NCAM2: variants seen among roughly 807,000 people sequenced by gnomAD.
The protein encoded by NCAM2 is N-CAM-2.
In NCAM2, 30 loss-of-function variants were observed where a neutral mutation model predicts 98.1. The observed-to-expected ratio is 0.31, with a 90% confidence interval of 0.23 to 0.41. The LOEUF (loss-of-function observed/expected upper bound fraction) is 0.41, where lower values mean the gene tolerates loss of function less well. Ranked by LOEUF, NCAM2 falls within the 10% of genes least tolerant of loss-of-function variation. The probability of loss-of-function intolerance (pLI) is 1.00; values close to 1 mark genes in which losing one functional copy is unlikely to be tolerated. For missense variants in NCAM2, 867 were observed against 1,005.8 expected, an observed-to-expected ratio of 0.86 and a Z score of 1.87; for synonymous variants, 368 against 342.4, an observed-to-expected ratio of 1.07 and a Z score of -0.83.
chr21:21,527,365 A>G (rs566235203), intron 16 of NCAM2, among the ~76,000 whole-genome samples: 1 of 152,138 alleles, frequency 6.6e-6, no homozygotes, highest in African/African-American at 2.4e-5. Flanking sequence ...CTGGACTAGT[A>G]TAAAATTAAA....
At chr21:21,202,497 A>C (rs1282428503) in intron 1 of NCAM2, among the ~76,000 whole-genome samples, 3 of 139,794 alleles carry the variant, frequency 2.1e-5, no homozygotes, top group Non-Finnish European at 3.0e-5. Flanking sequence ...GCTCACCGCA[A>C]CCTCCATCTC....
chr21:21,180,240 TA>T (rs1337486960), intron 1 of NCAM2, among the ~76,000 whole-genome samples: 1 of 152,134 alleles, frequency 6.6e-6, no homozygotes, highest in African/African-American at 2.4e-5. Context: ...AACAATTAAA[TA>T]AAAAAATTAA....
Position 21,272,918 on chromosome 21 carries a change from T to C in NCAM2, c.56-7660T>C, listed in dbSNP as rs78842873. Among the ~76,000 whole-genome samples the C allele has an allele frequency of 6.0e-3, 486 of 80,636 alleles. 1 individual carries two copies. The highest frequency in any genetic ancestry group is 0.024 in the African/African-American group (469 of 19,528). 52.9% of individuals were successfully genotyped at this position (80,636 alleles called of 152,430 possible). ...AATATGTTTCCAGACTCCAAAATGA[T>C]AATAGGGACATGCATTCACACACAC... is the stretch of plus-strand genomic sequence containing the variant. On this transcript the variant is annotated intron_variant, in intron 1 of 17. Coordinates refer to ENST00000400546, the MANE Select transcript of NCAM2 (RefSeq NM_004540.5).
At chr21:21,388,161 C>A (rs543540513) in intron 9 of NCAM2, among the ~76,000 whole-genome samples, 1 of 152,266 alleles carries the variant, frequency 6.6e-6, no homozygotes, top group East Asian at 1.9e-4. Flanking sequence ...ACAAGCCCGA[C>A]AACAAAGACA....
Position 21,146,546 on chromosome 21 carries a change from GATATATATATGT to G in NCAM2, c.56-134021_56-134010del, listed in dbSNP as rs930188902. Among the ~76,000 whole-genome samples the G allele has an allele frequency of 2.6e-4, 13 of 50,382 alleles. 1 individual carries two copies. Among genetic ancestry groups the G allele is most frequent in the African/African-American group, 5.6e-4 (11 of 19,488 alleles). 33.1% of individuals were successfully genotyped at this position (50,382 alleles called of 152,430 possible). Reference sequence around the variant, plus strand: ...ATGTGATTATATAAAATACTTACAGGATATATATATGTATATATATATATATATGGATTATAT... The same window carrying G: ...ATGTGATTATATAAAATACTTACAGGATATATATATATATATGGATTATAT... On this transcript the variant is annotated intron_variant, in intron 1 of 17. Coordinates refer to ENST00000400546, the MANE Select transcript of NCAM2 (RefSeq NM_004540.5).
At chr21:21,443,267 G>A (rs1427207444) in intron 12 of NCAM2, among the ~76,000 whole-genome samples, 2 of 152,016 alleles carry the variant, frequency 1.3e-5, no homozygotes, top group African/African-American at 4.8e-5. Context: ...CACACACCGG[G>A]GACTGCCGAG....
intron 8 of NCAM2, among the ~76,000 whole-genome samples, chr21:21,366,176 T>TA (rs1568984670): frequency 6.6e-6 from 1 of 152,016 alleles, no homozygotes; most frequent in African/African-American, 2.4e-5. Flanking sequence ...GAGATTTACG[T>TA]AAAAACATAC....
intron 10 of NCAM2, among the ~76,000 whole-genome samples, chr21:21,412,563 C>G (rs2076909009): frequency 6.6e-6 from 1 of 152,114 alleles, no homozygotes; most frequent in African/African-American, 2.4e-5. Flanking sequence ...TTTATACATA[C>G]AACATAGTAT....
intron 8 of NCAM2, among the ~76,000 whole-genome samples, chr21:21,346,332 G>A (rs2075187999): frequency 6.6e-6 from 1 of 151,916 alleles, no homozygotes; most frequent in African/African-American, 2.4e-5. Flanking sequence ...TCAGCAGGAG[G>A]ATATAATAAT....
intron 5 of NCAM2, among the ~76,000 whole-genome samples, chr21:21,303,082 A>G (rs1256213627): frequency 6.6e-6 from 1 of 152,068 alleles, no homozygotes; most frequent in Non-Finnish European, 1.5e-5. Context: ...GGAACCATAG[A>G]CACTGCAGAA....
intron 1 of NCAM2, among the ~76,000 whole-genome samples, chr21:21,180,059 T>C (rs2068419929): frequency 6.6e-6 from 1 of 152,188 alleles, no homozygotes; most frequent in South Asian, 2.1e-4. Flanking sequence ...GCTGGAGCTT[T>C]TGAGCAGGAC....
chr21:21,279,039 A>G (rs1175837480), intron 1 of NCAM2, among the ~76,000 whole-genome samples: 1 of 152,104 alleles, frequency 6.6e-6, no homozygotes, highest in Non-Finnish European at 1.5e-5. Flanking sequence ...CATTTATACA[A>G]CTATTGGCCA....
intron 15 of NCAM2, among the ~76,000 whole-genome samples, chr21:21,481,476 C>T (rs1985880116): frequency 6.6e-6 from 1 of 152,118 alleles, no homozygotes; most frequent in Non-Finnish European, 1.5e-5. Flanking sequence ...GCTTTGCTGA[C>T]GTCATTGAGA....
chr21:21,263,336 A>G (rs1173002648), intron 1 of NCAM2, among the ~76,000 whole-genome samples: 3 of 152,204 alleles, frequency 2.0e-5, no homozygotes, highest in African/African-American at 7.2e-5. Context: ...AAGGTGAACT[A>G]GAAAACGCTG....
At chr21:21,202,437 G>A (rs199581795) in intron 1 of NCAM2, among the ~76,000 whole-genome samples, 1 of 92,284 alleles carries the variant, frequency 1.1e-5, no homozygotes, top group East Asian at 3.1e-4. Flanking sequence ...TTTTTCTGAG[G>A]CGGAGTTTTG....
intron 15 of NCAM2, among the ~76,000 whole-genome samples, chr21:21,485,417 A>C (rs1986264878): frequency 1.3e-5 from 2 of 152,072 alleles, no homozygotes; most frequent in South Asian, 4.1e-4. Context: ...TGCAAGCATT[A>C]GAGAGAGAGA....
At chr21:21,167,093 A>G (rs573962329) in intron 1 of NCAM2, among the ~76,000 whole-genome samples, 6 of 152,180 alleles carry the variant, frequency 3.9e-5, no homozygotes, top group African/African-American at 1.4e-4. Flanking sequence ...CTTTATGTAA[A>G]TGGCTTTCTA....
At chr21:21,305,297 G>A (rs372491452) in intron 5 of NCAM2, among the ~76,000 whole-genome samples, 20 of 152,130 alleles carry the variant, frequency 1.3e-4, no homozygotes, top group African/African-American at 4.6e-4. Context: ...CAGCCTGGGC[G>A]ATAGAGCAAG....
intron 9 of NCAM2, among the ~76,000 whole-genome samples, 166 bp from the exon 10 acceptor site, chr21:21,410,108 G>C (rs920874431): frequency 1.3e-5 from 2 of 151,816 alleles, no homozygotes; most frequent in African/African-American, 4.8e-5. Context: ...ACTCCAGCCT[G>C]GGCGACAGGG....
Sources: gnomAD v4.1 joint callset for allele counts (sites outside exome capture counted in the v4.1 genomes callset) on GRCh38, gnomAD v4.1.1 for gene constraint, MANE v1.5 for transcripts, NCBI Gene and HGNC (gene_info 2026-07-23, HGNC 2026-07-21) for gene names.